RPS6KA1: variants seen among roughly 807,000 people sequenced by gnomAD.
RPS6KA1 encodes the protein ribosomal protein S6 kinase alpha-1.
In RPS6KA1, 48 loss-of-function variants were observed where a neutral mutation model predicts 91.3. The ratio of observed to expected loss-of-function variants is 0.53; its 90% CI spans 0.42 to 0.67. The LOEUF (loss-of-function observed/expected upper bound fraction) is 0.67, where lower values mean the gene tolerates loss of function less well. Among genes scored for constraint, RPS6KA1 ranks in the 30% least tolerant of loss-of-function variants. RPS6KA1 has a pLI of 0.00. For synonymous variants in RPS6KA1, 359 were observed against 384.7 expected (o/e 0.93, Z 0.78); for missense variants, 719 against 960.5 (o/e 0.75, Z 3.32).
In RPS6KA1 at chr1:26,555,624, C is replaced by G; in HGVS notation, c.915C>G (p.Leu305=). The change falls in exon 11 of 22, where the codon CTC becomes CTG. Residue 305 remains leucine, a splice_region_variant and synonymous_variant. Transcript: ENST00000374168. The surrounding 1 kb of genome is among the most constrained non-coding windows in gnomAD (Gnocchi z 4.3). ...TCAAGCGGAATCCTGCCAACCGGCT[C>G]GGTAAGCAGCCCCAGCTCAGGGGAG... is the stretch of plus-strand genomic sequence containing the variant. The part of the protein sequence containing the change: ...ALFKRNPANR[L]GSGPDGAEEI... 1 of 1,589,660 alleles carries G rather than the reference C, an allele frequency of 6.3e-7. No homozygotes were observed. The highest frequency in any genetic ancestry group is 8.6e-7 in the Non-Finnish European group (1 of 1,167,146).
Position 26,558,700 on chromosome 1 carries a change from C to T in RPS6KA1, c.1085-107C>T. ...GCCCTCTGCAGGCTCCCGCCACGGC[C>T]AGCCCCTGAGGCAGGTCTGGAGGCC... On this transcript the variant is annotated intron_variant, in intron 13 of 21. Coordinates refer to ENST00000374168, the MANE Select transcript of RPS6KA1 (RefSeq NM_002953.4). This position sits in a 1 kb window ranked among gnomAD's most constrained non-coding sequence, Gnocchi z 4.0. 8 of 1,366,592 alleles carry T rather than the reference C, an allele frequency of 5.9e-6. No individual in the cohort carries two copies. Among genetic ancestry groups the T allele is most frequent in the South Asian group, 1.4e-5 (1 of 72,196 alleles). The allele number at this position is 1,366,592 out of a possible 1,614,324, so 84.7% of individuals were successfully genotyped here.
At chr1:26,565,974 A>G (rs905671946) in intron 17 of RPS6KA1, among the ~76,000 whole-genome samples, 1 of 152,058 alleles carries the variant, frequency 6.6e-6, no homozygotes. Flanking sequence ...GTACAACTCT[A>G]CTGTATGTAT....
Position 26,561,440 on chromosome 1 carries a change from G to C in RPS6KA1, c.1432-65G>C. The C allele has an allele frequency of 6.3e-7, 1 of 1,599,868 alleles. No homozygotes were observed. The highest frequency in any genetic ancestry group is 1.7e-4 in the Middle Eastern group (1 of 5,886). ...ATGTCATTCTTCCCTGCTCTGGGGC[G>C]CTGCTGACCAGGGGGCTCAGGCCTG... On this transcript the variant is annotated intron_variant, in intron 16 of 21. Transcript: ENST00000374168. This position sits in a 1 kb window ranked among gnomAD's most constrained non-coding sequence, Gnocchi z 5.7.
Position 26,551,828 on chromosome 1 carries a change from T to A in RPS6KA1, c.468+105T>A, listed in dbSNP as rs987405202. The stretch of plus-strand genomic sequence containing the variant: ...GAATGTGTTTGGTATGGCTTGAACC[T>A]GGAACCACCCAGGCCTGCCTAGCAG... On this transcript the variant is annotated intron_variant, in intron 6 of 21. Coordinates refer to ENST00000374168, the MANE Select transcript of RPS6KA1 (RefSeq NM_002953.4). The surrounding 1 kb of genome is among the most constrained non-coding windows in gnomAD (Gnocchi z 4.5). 1.3e-5 allele frequency: 13 copies of A among 1,013,728 alleles called. No homozygotes were observed. The highest frequency in any genetic ancestry group is 5.8e-5 in the Admixed American group (3 of 51,816). The allele number at this position is 1,013,728 out of a possible 1,614,324, so 62.8% of individuals were successfully genotyped here. A position where few individuals can be genotyped will look rare whatever the true frequency, so the allele number is the denominator to read the frequency against.
chr1:26,542,475 G>T (rs971859704), intron 2 of RPS6KA1, among the ~76,000 whole-genome samples: 1 of 152,228 alleles, frequency 6.6e-6, no homozygotes, highest in African/African-American at 2.4e-5. Flanking sequence ...GCATGTCAGT[G>T]CCTGTGCTGT....
At chr1:26,530,876 C>A in intron 1 of RPS6KA1, 1 of 1,279,436 alleles carries the variant, frequency 7.8e-7, no homozygotes. Context: ...AAACTTCCTC[C>A]TTAACCTCTT....
At chr1:26,542,935 A>G (rs1261859761) in intron 2 of RPS6KA1, among the ~76,000 whole-genome samples, 3 of 151,988 alleles carry the variant, frequency 2.0e-5, no homozygotes, top group South Asian at 4.1e-4. Flanking sequence ...GAGTCAGAGG[A>G]CATAGGGAGA....
chr1:26,539,632 G>C (rs1180489929), intron 2 of RPS6KA1, among the ~76,000 whole-genome samples: 1 of 152,236 alleles, frequency 6.6e-6, no homozygotes, highest in Non-Finnish European at 1.5e-5. Context: ...CAATGTTGCT[G>C]TTTAATGCTT....
At chr1:26,545,638 T>C (rs886483822) in intron 2 of RPS6KA1, among the ~76,000 whole-genome samples, 4 of 152,168 alleles carry the variant, frequency 2.6e-5, no homozygotes, top group African/African-American at 9.7e-5. Context: ...GGCAGGGGAC[T>C]TTCCCTTTGT....
chr1:26,553,672 A>G (rs1173625463), intron 7 of RPS6KA1, 175 bp downstream of exon 7: 3 of 432,252 alleles, frequency 6.9e-6, no homozygotes, highest in Non-Finnish European at 1.3e-5. Flanking sequence ...CACTAATGCT[A>G]CCATTACCAA....
chr1:26,555,065 C>T lies in RPS6KA1; in HGVS notation c.757-86C>T. On this transcript the variant is annotated intron_variant, in intron 9 of 21. Coordinates refer to ENST00000374168, the MANE Select transcript of RPS6KA1 (RefSeq NM_002953.4). This position sits in a 1 kb window ranked among gnomAD's most constrained non-coding sequence, Gnocchi z 4.3. ...GGATGTATCAGCAAGAATCCTGGGA[C>T]TGGGGCAGAGGGGTCTGACTGGGAG... 1 of 1,325,518 alleles carries T rather than the reference C, an allele frequency of 7.5e-7. No homozygotes were observed. The highest frequency in any genetic ancestry group is 1.9e-4 in the Middle Eastern group (1 of 5,146). 82.1% of individuals were successfully genotyped at this position (1,325,518 alleles called of 1,614,324 possible).
chr1:26,554,696 C>G lies in RPS6KA1; in HGVS notation c.714C>G (p.Gly238=). The part of the protein sequence containing the change: ...YMAPEVVNRQ[G]HSHSADWWSY... ...CCCCTGAGGTCGTCAACCGCCAGGG[C>G]CACTCCCATAGTGCGGACTGGTGGT... Residue 238 remains glycine (G), a synonymous_variant, in exon 9 of 22, where the codon GGC becomes GGG. Coordinates refer to ENST00000374168, the MANE Select transcript of RPS6KA1 (RefSeq NM_002953.4). The surrounding 1 kb of genome is among the most constrained non-coding windows in gnomAD (Gnocchi z 4.6). 1.2e-6 allele frequency: 2 copies of G among 1,612,752 alleles called. No homozygotes were observed. The highest frequency in any genetic ancestry group is 1.7e-6 in the Non-Finnish European group (2 of 1,178,956).
At chr1:26,566,138 CCAAA>C (rs1284912131) in intron 17 of RPS6KA1, among the ~76,000 whole-genome samples, 5 of 152,128 alleles carry the variant, frequency 3.3e-5, no homozygotes, top group Non-Finnish European at 7.3e-5. Context: ...GCAGATATTG[CCAAA>C]CAGTTTTCCA....
rs1003764429 is a variant in RPS6KA1, at chr1:26,553,443, G to T, written c.521G>T (p.Gly174Val). Residue 174 changes from glycine to valine, a missense_variant, in exon 7 of 22, where the codon GGC becomes GTC. Transcript: ENST00000374168. The part of the protein sequence containing the change: ...VKFYLAELAL[G>V]LDHLHSLGII... ...TTTTACCTGGCTGAGCTGGCTCTGGGCCTGGATCACCTGCACAGCCTGGGT... is the reference window on the plus strand; with the variant it reads ...TTTTACCTGGCTGAGCTGGCTCTGGTCCTGGATCACCTGCACAGCCTGGGT... The T allele has an allele frequency of 6.2e-7, 1 of 1,613,066 alleles. No homozygotes were observed. The highest frequency in any genetic ancestry group is 8.5e-7 in the Non-Finnish European group (1 of 1,179,408).
chr1:26,572,094 G>T (rs2076254213), intron 19 of RPS6KA1, 82 bp from the exon 20 acceptor site: 1 of 1,345,480 alleles, frequency 7.4e-7, no homozygotes, highest in Non-Finnish European at 1.1e-6. Flanking sequence ...CCATCTGAGG[G>T]GGAGACACAG....
At chr1:26,543,972 G>T in intron 2 of RPS6KA1, 1 of 423,292 alleles carries the variant, frequency 2.4e-6, no homozygotes, top group South Asian at 1.7e-5. Context: ...AAATCCTAGG[G>T]AAATGGGAGA....
At chr1:26,552,259 G>A (rs147300138) in intron 6 of RPS6KA1, among the ~76,000 whole-genome samples, 2,523 of 151,668 alleles carry the variant, frequency 0.017, 71 homozygotes, top group African/African-American at 0.058. Flanking sequence ...ATGGTGGAGT[G>A]TGCCTGTAAT....
At chr1:26,570,069 C>T (rs1400395349) in intron 17 of RPS6KA1, among the ~76,000 whole-genome samples, 1 of 152,178 alleles carries the variant, frequency 6.6e-6, no homozygotes, top group Non-Finnish European at 1.5e-5. Context: ...CTCTGTGGAA[C>T]ATCCAGTGGT....
chr1:26,569,683 G>A (rs922565221), intron 17 of RPS6KA1, among the ~76,000 whole-genome samples: 1 of 152,210 alleles, frequency 6.6e-6, no homozygotes, highest in Non-Finnish European at 1.5e-5. Context: ...AACCTGCAAG[G>A]TATCTGTCTC....
Sources: allele counts gnomAD v4.1 joint callset (sites outside exome capture counted in the v4.1 genomes callset), GRCh38; gene constraint gnomAD v4.1.1; non-coding constraint Gnocchi (gnomAD v3.1); transcripts MANE v1.5; gene names NCBI Gene and HGNC (gene_info 2026-07-23, HGNC 2026-07-21).